Variants in NFX1 observed in about 807,000 individuals in gnomAD.
NFX1 encodes the protein transcriptional repressor NF-X1.
In NFX1, 69 loss-of-function variants were observed where a neutral mutation model predicts 137.2. That is an observed-to-expected ratio of 0.50 (90% CI 0.41 to 0.61). NFX1 has a LOEUF of 0.61. NFX1 is among the 20% of genes least tolerant of loss of function. The pLI is 0.00. For missense variants in NFX1, 1,167 were observed against 1,391.0 expected (o/e 0.84, Z 2.56); for synonymous variants, 495 against 474.1 (o/e 1.04, Z -0.57).
intron 7 of NFX1, among the ~76,000 whole-genome samples, chr9:33,316,460 C>G (rs899874339): frequency 3.3e-5 from 5 of 152,154 alleles, no homozygotes; most frequent in East Asian, 1.9e-4. Flanking sequence ...GGCTTTTACT[C>G]AGCTAAATCA....
At chr9:33,348,850 C>G in intron 15 of NFX1, 6 of 873,956 alleles carry the variant, frequency 6.9e-6, no homozygotes, top group African/African-American at 3.6e-5. Context: ...TAAGATGATA[C>G]TGTTTGCTAC....
intron 19 of NFX1, among the ~76,000 whole-genome samples, chr9:33,356,757 A>ACT (rs1302892982): frequency 1.3e-5 from 2 of 151,876 alleles, no homozygotes; most frequent in African/African-American, 4.8e-5. Flanking sequence ...TTTTCCCAGC[A>ACT]CTCTGCAGTG....
chr9:33,311,171 G>C lies in NFX1; in HGVS notation c.1442G>C (p.Arg481Pro). ...ATGACAAAAACATGTGAATGTGGAC[G>C]AACCAGGTAAAGTTAAAATTACACC... ...AFMTKTCECG[R>P]TRHTVRCGQA... The change falls in exon 6 of 24, where the codon CGA becomes CCA. Residue 481 changes from arginine to proline, a missense_variant. Physicochemically the swap from Arg to Pro is moderately radical, Grantham distance 103 (BLOSUM62 -2). Transcript: ENST00000379540. 1 of 1,613,844 alleles carries C rather than the reference G, an allele frequency of 6.2e-7. No homozygotes were observed. The highest frequency in any genetic ancestry group is 8.5e-7 in the Non-Finnish European group (1 of 1,179,786).
At chr9:33,299,965 G>A (rs542757260) in intron 2 of NFX1, among the ~76,000 whole-genome samples, 11 of 151,138 alleles carry the variant, frequency 7.3e-5, no homozygotes, top group African/African-American at 2.7e-4. Flanking sequence ...TGACAAGTTT[G>A]AATTTTGACT....
chr9:33,302,387 A>G (rs1821602959), intron 3 of NFX1, among the ~76,000 whole-genome samples: 1 of 121,318 alleles, frequency 8.2e-6, no homozygotes, highest in Non-Finnish European at 1.6e-5. Context: ...TTTGAGACAG[A>G]GTCTTACTCT....
At chr9:33,366,605 C>G (rs755061500) in intron 21 of NFX1, 24 bp from the exon 22 acceptor site, 1 of 1,612,210 alleles carries the variant, frequency 6.2e-7, no homozygotes, top group South Asian at 1.1e-5. Context: ...TATGATCAAT[C>G]AGTCATCTTT....
At chr9:33,356,563 GA>G (rs1417015171) in intron 19 of NFX1, among the ~76,000 whole-genome samples, 1 of 151,900 alleles carries the variant, frequency 6.6e-6, no homozygotes, top group Admixed American at 6.6e-5. Context: ...GTCCTATTTA[GA>G]AAAATTTGTC....
intron 14 of NFX1, among the ~76,000 whole-genome samples, chr9:33,344,767 G>A (rs2118591650): frequency 6.6e-6 from 1 of 152,262 alleles, no homozygotes; most frequent in Middle Eastern, 3.4e-3. Context: ...TCGGGAGGCT[G>A]AGGCAGGAGA....
rs543144963 is a variant in NFX1, at chr9:33,301,519, A to T, written c.1192+98A>T. On this transcript the variant is annotated intron_variant, in intron 3 of 23. Coordinates refer to ENST00000379540, the MANE Select transcript of NFX1 (RefSeq NM_002504.6). ...TAAAAATACAGTTTAATTTCTCTTA[A>T]CTACTTTTTCTGCAGGGAGAGTATG... 1,703 of 1,340,546 alleles carry T rather than the reference A, an allele frequency of 1.3e-3. 1 individual carries two copies. Among genetic ancestry groups the T allele is most frequent in the Non-Finnish European group, 1.6e-3 (1,626 of 987,650 alleles). 83.0% of individuals were successfully genotyped at this position (1,340,546 alleles called of 1,614,324 possible). A position where few individuals can be genotyped will look rare whatever the true frequency, so the allele number is the denominator to read the frequency against.
At chr9:33,350,982 A>G (rs1823614732) in intron 15 of NFX1, among the ~76,000 whole-genome samples, 1 of 152,142 alleles carries the variant, frequency 6.6e-6, no homozygotes, top group African/African-American at 2.4e-5. Flanking sequence ...AACCCCAACT[A>G]AAAATACAAA....
intron 11 of NFX1, 75 bp downstream of exon 11, chr9:33,332,577 G>A (rs1822847418): frequency 8.9e-7 from 1 of 1,122,750 alleles, no homozygotes; most frequent in East Asian, 2.6e-5. Context: ...AGGGAGTTGG[G>A]TTATGTATTT....
intron 7 of NFX1, among the ~76,000 whole-genome samples, chr9:33,318,042 GATTTT>G (rs1369776104): frequency 1.4e-5 from 2 of 146,808 alleles, no homozygotes; most frequent in African/African-American, 5.1e-5. Context: ...TTTAATGTAC[GATTTT>G]ATTTTATGAG....
At position 33,360,184 on chromosome 9, in the gene NFX1, G is replaced by C. The variant is rs148574249; in HGVS notation, c.2874-3826G>C. On this transcript the variant is annotated intron_variant, in intron 19 of 23. Coordinates refer to ENST00000379540, the MANE Select transcript of NFX1 (RefSeq NM_002504.6). ...TCTCCAAACATGGAAATGTACTTTT[G>C]GTGGTTGAAAGACATATTGTATACT... Among the ~76,000 whole-genome samples the C allele has an allele frequency of 4.5e-3, 686 of 152,254 alleles. 2 individuals carry two copies. The highest frequency in any genetic ancestry group is 6.8e-3 in the South Asian group (33 of 4,828).
chr9:33,319,187 A>T, intron 9 of NFX1, 60 bp downstream of exon 9: 1 of 1,435,416 alleles, frequency 7.0e-7, no homozygotes, highest in Non-Finnish European at 9.8e-7. Context: ...GGCAGCAGTG[A>T]GTGTTTAAGC....
At position 33,352,607 on chromosome 9, in the gene NFX1, C is replaced by T. The variant is rs371671936; in HGVS notation, c.2656-39C>T. On this transcript the variant is annotated intron_variant, in intron 16 of 23. Coordinates refer to ENST00000379540, the MANE Select transcript of NFX1 (RefSeq NM_002504.6). ...GAAAAGTGCTTTATTCACATAGTTC[C>T]AGTGTGCTAAAAGTCGTTCCATGTT... The T allele has an allele frequency of 5.8e-6, 9 of 1,545,768 alleles. No individual in the cohort carries two copies. In the African/African-American group the frequency reaches 6.8e-5, roughly 12 times the overall value.
At position 33,358,647 on chromosome 9, in the gene NFX1, ATTTTTTTTTTTTTTTT is replaced by A. The variant is rs61589629; in HGVS notation, c.2873+3773_2873+3788del. Reference sequence around the variant, plus strand: ...GCAAAAAAATTCTGTGAATGGCTTGATTTTTTTTTTTTTTTTTTTTTTTTTTTTTTTTTGATACAGA... The same window carrying A: ...GCAAAAAAATTCTGTGAATGGCTTGATTTTTTTTTTTTTTTTTGATACAGA... On this transcript the variant is annotated intron_variant, in intron 19 of 23. Coordinates refer to ENST00000379540, the MANE Select transcript of NFX1 (RefSeq NM_002504.6). Among the ~76,000 whole-genome samples, 30 of 48,430 alleles carry A rather than the reference ATTTTTTTTTTTTTTTT, an allele frequency of 6.2e-4. No individual in the cohort carries two copies. The Admixed American group carries it at 6.7e-3, about 11-fold the overall frequency. The allele number at this position is 48,430 out of a possible 152,430, so 31.8% of individuals were successfully genotyped here.
At chr9:33,348,327 G>C (rs1823509058) in intron 15 of NFX1, 1 of 151,948 alleles carries the variant, frequency 6.6e-6, no homozygotes. Flanking sequence ...ACTCCAGCCT[G>C]GGCAACAGAG....
Position 33,307,948 on chromosome 9 carries a change from C to T in NFX1, c.1376+649C>T, listed in dbSNP as rs1410411638. Among the ~76,000 whole-genome samples the T allele has an allele frequency of 4.6e-5, 7 of 151,776 alleles. No homozygotes were observed. In the South Asian group the frequency reaches 1.2e-3, roughly 27 times the overall value. On this transcript the variant is annotated intron_variant, in intron 5 of 23. Coordinates refer to ENST00000379540, the MANE Select transcript of NFX1 (RefSeq NM_002504.6). ...CCTCCTGAGTAGCTGGGACTACAGG[C>T]GTGTGCCACCACGCCTGGCTAATTT...
intron 12 of NFX1, among the ~76,000 whole-genome samples, chr9:33,340,102 G>GC (rs1346156348): frequency 3.9e-5 from 6 of 152,210 alleles, no homozygotes; most frequent in Non-Finnish European, 7.3e-5. Context: ...CCCTAGTAGG[G>GC]ACTCCGTGTG....
Sources: gnomAD v4.1 joint callset for allele counts (sites outside exome capture counted in the v4.1 genomes callset) on GRCh38, gnomAD v4.1.1 for gene constraint, MANE v1.5 for transcripts, NCBI Gene and HGNC (gene_info 2026-07-23, HGNC 2026-07-21) for gene names.